KDM3B: variants seen among roughly 807,000 people sequenced by gnomAD.
The protein encoded by KDM3B is lysine-specific demethylase 3B.
KDM3B carries 10 observed loss-of-function variants against 170.0 expected under a neutral mutation model. The ratio of observed to expected loss-of-function variants is 0.06; its 90% CI spans 0.04 to 0.10. The LOEUF is 0.10. Among genes scored for constraint, KDM3B ranks in the 10% least tolerant of loss-of-function variants. The pLI is 1.00. For missense variants in KDM3B, 1,394 were observed against 2,195.2 expected, an observed-to-expected ratio of 0.64 and a Z score of 7.29; for synonymous variants, 831 against 834.8, an observed-to-expected ratio of 1.00 and a Z score of 0.08.
intron 23 of KDM3B, among the ~76,000 whole-genome samples, chr5:138,433,093 A>G (rs1763577910): frequency 6.8e-6 from 1 of 147,198 alleles, no homozygotes; most frequent in Non-Finnish European, 1.5e-5. Context: ...TTCAACTCTG[A>G]GTCTGATGCA....
rs1223398633 is a variant in KDM3B, at chr5:138,419,200, T to C, written c.3683T>C (p.Leu1228Ser). Residue 1228 changes from leucine (L) to serine (S), a missense_variant, in exon 14 of 24, where the codon TTA becomes TCA. Coordinates refer to ENST00000314358, the MANE Select transcript of KDM3B (RefSeq NM_016604.4). Reference protein sequence around the residue: ...PSSALHWLADLATQKAKEETK... With the variant: ...PSSALHWLADSATQKAKEETK... ...TCCGCCCTGCACTGGTTGGCAGATT[T>C]AGCAACTCAGAAGGCTAAAGAAGAA... is the stretch of plus-strand genomic sequence containing the variant. 1 of 1,614,070 alleles carries C rather than the reference T, an allele frequency of 6.2e-7. No individual in the cohort carries two copies. Among genetic ancestry groups the C allele is most frequent in the Non-Finnish European group, 8.5e-7 (1 of 1,180,020 alleles).
intron 1 of KDM3B, among the ~76,000 whole-genome samples, chr5:138,370,919 C>T (rs1219521891): frequency 6.6e-6 from 1 of 152,024 alleles, no homozygotes; most frequent in African/African-American, 2.4e-5. Context: ...AGTGATTCAT[C>T]TGCCTCAGCC....
At chr5:138,416,623 C>A (rs969388074) in intron 12 of KDM3B, among the ~76,000 whole-genome samples, 44 of 147,856 alleles carry the variant, frequency 3.0e-4, no homozygotes, top group Middle Eastern at 3.5e-3. Flanking sequence ...TAACAAAAAA[C>A]CAAAGAAAAC....
At chr5:138,357,644 G>C (rs1761485631) in intron 1 of KDM3B, among the ~76,000 whole-genome samples, 1 of 152,152 alleles carries the variant, frequency 6.6e-6, no homozygotes, top group African/African-American at 2.4e-5. Context: ...ACAGGCGTGA[G>C]CCACCATGCC....
chr5:138,386,860 A>G (rs1341179461), intron 7 of KDM3B, among the ~76,000 whole-genome samples: 2 of 152,248 alleles, frequency 1.3e-5, no homozygotes, highest in Non-Finnish European at 2.9e-5. Context: ...GATACAACCT[A>G]ATTTAAAGAC....
At chr5:138,433,420 T>G (rs1015345636) in intron 23 of KDM3B, among the ~76,000 whole-genome samples, 1 of 151,178 alleles carries the variant, frequency 6.6e-6, no homozygotes, top group Admixed American at 6.6e-5. Context: ...TTTTTTTTTT[T>G]TTTTTTGAGA....
chr5:138,363,326 T>C (rs1400160503), intron 1 of KDM3B, among the ~76,000 whole-genome samples: 1 of 152,188 alleles, frequency 6.6e-6, no homozygotes, highest in East Asian at 1.9e-4. Flanking sequence ...TTATAATCTT[T>C]AAATTTTTTC....
Position 138,391,795 on chromosome 5 carries a change from G to T in KDM3B, c.2163G>T (p.Gly721=), listed in dbSNP as rs74320850. Residue 721 remains glycine, a synonymous_variant, in exon 8 of 24, where the codon GGG becomes GGT. Coordinates refer to ENST00000314358, the MANE Select transcript of KDM3B (RefSeq NM_016604.4). This position sits in a 1 kb window ranked among gnomAD's most constrained non-coding sequence, Gnocchi z 5.0. ...TSGGPSLSAM[G]NGRSSSPTSS... is the part of the protein sequence containing the mutation. ...GGGGCCCAAGCCTCTCTGCCATGGG[G>T]AATGGCCGCTCCAGCTCGCCCACCA... 6.2e-7 allele frequency: 1 copy of T among 1,614,056 alleles called. No individual in the cohort carries two copies. The highest frequency in any genetic ancestry group is 2.2e-5 in the East Asian group (1 of 44,868).
At chr5:138,427,101 A>C (rs1466006491) in intron 18 of KDM3B, 36 bp downstream of exon 18, 20 of 1,609,598 alleles carry the variant, frequency 1.2e-5, no homozygotes, top group Admixed American at 1.7e-5. Flanking sequence ...TTCAGAAGCC[A>C]TCACAAAGTA....
chr5:138,390,912 C>T, intron 7 of KDM3B, 101 bp from the exon 8 acceptor site: 1 of 1,121,890 alleles, frequency 8.9e-7, no homozygotes, highest in Non-Finnish European at 1.3e-6. Context: ...AGTTGATGGA[C>T]CCCCAAGAAA....
chr5:138,379,947 G>C (rs1285821480), intron 5 of KDM3B, among the ~76,000 whole-genome samples: 1 of 152,128 alleles, frequency 6.6e-6, no homozygotes, highest in African/African-American at 2.4e-5. Flanking sequence ...TGGGTCCTGA[G>C]ATAAAGTATC....
At chr5:138,365,958 A>G (rs983374287) in intron 1 of KDM3B, among the ~76,000 whole-genome samples, 16 of 152,182 alleles carry the variant, frequency 1.1e-4, no homozygotes, top group African/African-American at 3.6e-4. Context: ...AGATCGCGTC[A>G]TTGTACTCTA....
chr5:138,436,559 G>A lies in KDM3B; in HGVS notation c.*859G>A, dbSNP rs181624556. On this transcript the variant is annotated 3_prime_UTR_variant, in exon 24 of 24. Coordinates refer to ENST00000314358, the MANE Select transcript of KDM3B (RefSeq NM_016604.4). ...CCCTCCCATCTTAGTCTTACCTTGA[G>A]GGAACAGTCATATGAGAAGGAACTT... The A allele has an allele frequency of 1.1e-4, 16 of 152,236 alleles. No homozygotes were observed. In the East Asian group the frequency reaches 2.7e-3, roughly 26 times the overall value. 9.4% of individuals were successfully genotyped at this position (152,236 alleles called of 1,614,324 possible). A position where few individuals can be genotyped will look rare whatever the true frequency, so the allele number is the denominator to read the frequency against.
chr5:138,378,890 G>A (rs934810593), intron 4 of KDM3B, among the ~76,000 whole-genome samples: 4 of 151,478 alleles, frequency 2.6e-5, no homozygotes, highest in African/African-American at 9.7e-5. Context: ...ATCTAAAATT[G>A]GTAATGATTT....
chr5:138,422,102 C>T (rs1348826603), intron 15 of KDM3B, among the ~76,000 whole-genome samples: 1 of 152,202 alleles, frequency 6.6e-6, no homozygotes, highest in Admixed American at 6.5e-5. Context: ...TTTCTTCATA[C>T]ATCACCCTTT....
At chr5:138,417,259 G>A (rs1763128784) in intron 12 of KDM3B, among the ~76,000 whole-genome samples, 1 of 152,162 alleles carries the variant, frequency 6.6e-6, no homozygotes, top group East Asian at 1.9e-4. Flanking sequence ...AGATATACCT[G>A]GGCTAAAGTC....
intron 15 of KDM3B, among the ~76,000 whole-genome samples, chr5:138,422,064 G>C (rs569876444): frequency 6.6e-6 from 1 of 152,112 alleles, no homozygotes; most frequent in East Asian, 1.9e-4. Context: ...TTCATCATCA[G>C]CTCCCTCACC....
At chr5:138,420,043 G>A (rs562862854) in intron 14 of KDM3B, among the ~76,000 whole-genome samples, 28 of 152,030 alleles carry the variant, frequency 1.8e-4, no homozygotes, top group African/African-American at 4.8e-4. Context: ...GTGCCACCAC[G>A]CCCAGCTAAT....
At position 138,420,875 on chromosome 5, in the gene KDM3B, C is replaced by A; in HGVS notation, c.3885C>A (p.Asp1295Glu). ...AAACCGAAGGGTCTAGCCTTCGAGACCTCCTTCACTCCGGGCCGGGAAAAC... is the reference window on the plus strand; with the variant it reads ...AAACCGAAGGGTCTAGCCTTCGAGAACTCCTTCACTCCGGGCCGGGAAAAC... ...NNKTEGSSLR[D>E]LLHSGPGKLP... The change falls in exon 15 of 24, where the codon GAC (aspartate) becomes GAA (glutamate). Residue 1295 changes from aspartate to glutamate, a missense_variant. Physicochemically the swap from Asp to Glu is conservative, Grantham distance 45. This residue lies in a region of KDM3B where 137 missense variants were observed against 166.9 expected (regional missense o/e 0.82). Transcript: ENST00000314358. The A allele has an allele frequency of 6.2e-7, 1 of 1,614,110 alleles. No homozygotes were observed. Among genetic ancestry groups the A allele is most frequent in the Non-Finnish European group, 8.5e-7 (1 of 1,180,008 alleles).
Sources: gnomAD v4.1 joint callset for allele counts (sites outside exome capture counted in the v4.1 genomes callset) on GRCh38, gnomAD v4.1.1 for gene constraint, gnomAD v4.1.1 regional missense constraint, Gnocchi (gnomAD v3.1) non-coding constraint, MANE v1.5 for transcripts, NCBI Gene and HGNC (gene_info 2026-07-23, HGNC 2026-07-21) for gene names.